The following WDR7 variants were observed in gnomAD, a reference collection of about 807,000 sequenced individuals.
WDR7 encodes the protein WD repeat-containing protein 7.
WDR7 carries 46 observed loss-of-function variants against 169.4 expected under a neutral mutation model. That is an observed-to-expected ratio of 0.27 (90% CI 0.21 to 0.35). The LOEUF is 0.35. WDR7 is among the 10% of genes least tolerant of loss of function. The pLI, the probability that WDR7 is intolerant of heterozygous loss-of-function variation, is 1.00. For missense variants in WDR7, 1,534 were observed against 1,859.3 expected (o/e 0.83, Z 3.22); for synonymous variants, 612 against 666.8 (o/e 0.92, Z 1.27).
intron 21 of WDR7, among the ~76,000 whole-genome samples, chr18:56,880,926 T>G (rs184028988): frequency 9.2e-4 from 140 of 152,332 alleles, no homozygotes; most frequent in Admixed American, 3.8e-3. Context: ...ATAGCAAAAT[T>G]ATTTCTAATA....
intron 22 of WDR7, among the ~76,000 whole-genome samples, chr18:56,935,021 C>T (rs1467368583): frequency 6.6e-6 from 1 of 152,038 alleles, no homozygotes; most frequent in African/African-American, 2.4e-5. Context: ...TTGATATTTT[C>T]ATGTAGTAGA....
chr18:56,838,601 T>TAA (rs1438789341), intron 20 of WDR7, among the ~76,000 whole-genome samples: 1 of 152,212 alleles, frequency 6.6e-6, no homozygotes, highest in Non-Finnish European at 1.5e-5. Context: ...TTTACTGATT[T>TAA]AATTGTTTGG....
In WDR7 at chr18:56,653,680, A is replaced by C. The variant is rs12454684; in HGVS notation, c.-20+2104A>C. On this transcript the variant is annotated intron_variant, in intron 1 of 27. Coordinates refer to ENST00000254442, the MANE Select transcript of WDR7 (RefSeq NM_015285.3). The stretch of plus-strand genomic sequence containing the variant: ...TGATATCGTGCAGTTTTTTTGTCTC[A>C]CTATTATGTTTTGAAGATCTATTGC... Among the ~76,000 whole-genome samples, 1,147 of 152,172 alleles carry C rather than the reference A, an allele frequency of 7.5e-3. 7 individuals carry two copies. The highest frequency in any genetic ancestry group is 0.014 in the Middle Eastern group (4 of 294).
At chr18:56,930,912 CAA>C (rs1000928767) in intron 22 of WDR7, among the ~76,000 whole-genome samples, 1 of 152,162 alleles carries the variant, frequency 6.6e-6, no homozygotes, top group African/African-American at 2.4e-5. Context: ...GACATTTAAC[CAA>C]AGTGTTCTTA....
At chr18:56,969,814 G>T (rs1599204861) in intron 26 of WDR7, among the ~76,000 whole-genome samples, 1 of 152,066 alleles carries the variant, frequency 6.6e-6, no homozygotes, top group Admixed American at 6.6e-5. Context: ...CTTATTGCTG[G>T]TGTTTATAAT....
chr18:56,680,898 A>T (rs2025339246), intron 3 of WDR7, among the ~76,000 whole-genome samples: 1 of 152,170 alleles, frequency 6.6e-6, no homozygotes, highest in Non-Finnish European at 1.5e-5. Flanking sequence ...CTTGTCCGTC[A>T]TGTGTCACTT....
At chr18:56,716,125 T>G (rs976683564) in intron 12 of WDR7, among the ~76,000 whole-genome samples, 9 of 152,124 alleles carry the variant, frequency 5.9e-5, no homozygotes, top group Admixed American at 2.6e-4. Context: ...TTTGCCATTT[T>G]GTTTTGATTT....
intron 12 of WDR7, among the ~76,000 whole-genome samples, chr18:56,704,533 T>C (rs554843906): frequency 3.3e-5 from 5 of 152,302 alleles, no homozygotes; most frequent in Admixed American, 2.6e-4. Context: ...AGTGAGACCC[T>C]GTCATGCTAT....
chr18:56,869,446 A>G (rs1011393332), intron 20 of WDR7, among the ~76,000 whole-genome samples: 1 of 152,208 alleles, frequency 6.6e-6, no homozygotes, highest in Non-Finnish European at 1.5e-5. Context: ...ACACAGCAGC[A>G]ACACCAGCAG....
chr18:57,027,536 A>C lies in WDR7; in HGVS notation c.*329A>C. ...TGCAACAGAAGCACAAAAATCAATA[A>C]ACACTGTGATTGCACTCCCAGCCCA... On this transcript the variant is annotated 3_prime_UTR_variant, in exon 28 of 28. Coordinates refer to ENST00000254442, the MANE Select transcript of WDR7 (RefSeq NM_015285.3). 2.8e-6 allele frequency: 1 copy of C among 354,866 alleles called. No homozygotes were observed. The highest frequency in any genetic ancestry group is 5.2e-6 in the Non-Finnish European group (1 of 191,586). 22.0% of individuals were successfully genotyped at this position (354,866 alleles called of 1,614,324 possible).
intron 21 of WDR7, among the ~76,000 whole-genome samples, chr18:56,889,968 C>G (rs2145518839): frequency 6.6e-6 from 1 of 152,270 alleles, no homozygotes; most frequent in Middle Eastern, 3.4e-3. Flanking sequence ...GGCCAAGGTA[C>G]ATGATCTACC....
Position 56,718,126 on chromosome 18 carries a change from G to A in WDR7, c.1741G>A (p.Asp581Asn). 1.2e-6 allele frequency: 2 copies of A among 1,614,040 alleles called. No individual in the cohort carries two copies. The highest frequency in any genetic ancestry group is 8.5e-7 in the Non-Finnish European group (1 of 1,179,952). ...TGATTACCTGGTGGTGGGGTGTTCA[G>A]ATGGTTCTGTGTACGTCTGGCAAAT... ...SDDYLVVGCS[D>N]GSVYVWQMDT... is the part of the protein sequence containing the mutation. The change falls in exon 13 of 28, where the codon GAT becomes AAT. Residue 581 changes from aspartate to asparagine, a missense_variant. Coordinates refer to ENST00000254442, the MANE Select transcript of WDR7 (RefSeq NM_015285.3).
chr18:56,781,744 C>T, intron 19 of WDR7, 88 bp downstream of exon 19: 7 of 1,284,438 alleles, frequency 5.4e-6, no homozygotes, highest in Non-Finnish European at 7.0e-6. Context: ...TACTACCCAT[C>T]AACAAAAATG....
intron 20 of WDR7, among the ~76,000 whole-genome samples, chr18:56,839,906 C>CA (rs2045455113): frequency 6.6e-6 from 1 of 151,910 alleles, no homozygotes; most frequent in Non-Finnish European, 1.5e-5. Flanking sequence ...ACTAAAAATA[C>CA]AAAAAATTAG....
intron 25 of WDR7, among the ~76,000 whole-genome samples, chr18:56,942,210 C>T (rs953437770): frequency 6.6e-6 from 1 of 152,054 alleles, no homozygotes; most frequent in African/African-American, 2.4e-5. Flanking sequence ...CAGGGTGGGA[C>T]CCCAGATGCA....
At chr18:56,879,046 TTTCAG>T (rs2046068717) in intron 20 of WDR7, among the ~76,000 whole-genome samples, 1 of 152,314 alleles carries the variant, frequency 6.6e-6, no homozygotes, top group East Asian at 1.9e-4. Context: ...TTGATGGACA[TTTCAG>T]TTGTTTCCAA....
chr18:56,809,248 C>A (rs151072068), intron 19 of WDR7, among the ~76,000 whole-genome samples: 9 of 152,024 alleles, frequency 5.9e-5, no homozygotes, highest in Non-Finnish European at 1.3e-4. Context: ...TTTATTATAT[C>A]TCTTTACTCT....
At chr18:57,033,961 C>T (rs1007413354), downstream of WDR7, 1 of 152,056 alleles carries the variant, frequency 6.6e-6, no homozygotes, top group Non-Finnish European at 1.5e-5. Flanking sequence ...CCAGCCTGGA[C>T]AATGTGGTGA....
chr18:56,791,649 T>A (rs2044486987), intron 19 of WDR7, among the ~76,000 whole-genome samples: 1 of 152,192 alleles, frequency 6.6e-6, no homozygotes, highest in Non-Finnish European at 1.5e-5. Flanking sequence ...TAAAGAGCCA[T>A]GGTGCTTTTC....
Sources: allele counts gnomAD v4.1 joint callset (sites outside exome capture counted in the v4.1 genomes callset), GRCh38; gene constraint gnomAD v4.1.1; transcripts MANE v1.5; gene names NCBI Gene and HGNC (gene_info 2026-07-23, HGNC 2026-07-21).